DEPTOR: variants seen among roughly 807,000 people sequenced by gnomAD.
The protein encoded by DEPTOR is DEP domain-containing mTOR-interacting protein.
In DEPTOR, 41 loss-of-function variants were observed where a neutral mutation model predicts 41.6. The ratio of observed to expected loss-of-function variants is 0.98; its 90% CI spans 0.77 to 1.28. The LOEUF is 1.28. DEPTOR is among the 50% of genes most tolerant of loss of function. The pLI, the probability that DEPTOR is intolerant of heterozygous loss-of-function variation, is 0.00. For missense variants in DEPTOR, 514 were observed against 527.9 expected, an observed-to-expected ratio of 0.97 and a Z score of 0.26; for synonymous variants, 195 against 192.3, an observed-to-expected ratio of 1.01 and a Z score of -0.12.
intron 8 of DEPTOR, among the ~76,000 whole-genome samples, chr8:120,030,007 G>A (rs1324018153): frequency 6.6e-6 from 1 of 152,182 alleles, no homozygotes; most frequent in East Asian, 1.9e-4. Flanking sequence ...CTGTGCTCTG[G>A]GTGGAGTGAC....
chr8:119,910,224 T>C (rs999294562), intron 1 of DEPTOR, among the ~76,000 whole-genome samples: 2 of 152,208 alleles, frequency 1.3e-5, no homozygotes, highest in African/African-American at 4.8e-5. Context: ...TCAGAGCACC[T>C]ATGTTAAGAA....
At chr8:119,992,150 C>T (rs540643383) in intron 4 of DEPTOR, among the ~76,000 whole-genome samples, 1 of 152,266 alleles carries the variant, frequency 6.6e-6, no homozygotes, top group South Asian at 2.1e-4. Flanking sequence ...TCAGTAGTAG[C>T]TAAGAAAATA....
At chr8:119,879,048 T>G (rs1563954830) in intron 1 of DEPTOR, among the ~76,000 whole-genome samples, 1 of 151,512 alleles carries the variant, frequency 6.6e-6, no homozygotes, top group Non-Finnish European at 1.5e-5. Flanking sequence ...AGGCAGAGGT[T>G]GTAGTGAGCC....
In DEPTOR at chr8:119,965,345, C is replaced by A. The variant is rs77469250; in HGVS notation, c.539C>A (p.Ala180Asp). ...GACTGGCTGGTTCAGGAAGGTGAGG[C>A]CACCACGAGGAAAGAGGCAGAGCAG... is the stretch of plus-strand genomic sequence containing the variant. Reference protein sequence around the residue: ...FLDWLVQEGEATTRKEAEQLC... With the variant: ...FLDWLVQEGEDTTRKEAEQLC... Residue 180 changes from alanine to aspartate, a missense_variant, in exon 4 of 9, where the codon GCC (alanine) becomes GAC (aspartate). Coordinates refer to ENST00000286234, the MANE Select transcript of DEPTOR (RefSeq NM_022783.4). 1.2e-6 allele frequency: 2 copies of A among 1,614,092 alleles called. No homozygotes were observed. The highest frequency in any genetic ancestry group is 3.3e-5 in the Admixed American group (2 of 60,014).
intron 3 of DEPTOR, among the ~76,000 whole-genome samples, chr8:119,962,970 C>T (rs544341446): frequency 1.3e-5 from 2 of 152,068 alleles, no homozygotes; most frequent in Non-Finnish European, 2.9e-5. Context: ...GGCACAGGAC[C>T]GGGTTTGGAA....
chr8:119,948,033 T>G (rs898611715), intron 3 of DEPTOR, among the ~76,000 whole-genome samples: 4 of 152,126 alleles, frequency 2.6e-5, no homozygotes, highest in Non-Finnish European at 5.9e-5. Context: ...CAACTTCCAT[T>G]TCTTCTTAAC....
intron 4 of DEPTOR, among the ~76,000 whole-genome samples, chr8:119,995,316 G>A (rs1812242050): frequency 6.6e-6 from 1 of 152,170 alleles, no homozygotes; most frequent in South Asian, 2.1e-4. Context: ...GCCGGGCACG[G>A]TGGCTCATGC....
chr8:119,887,776 A>T (rs1192763093), intron 1 of DEPTOR, among the ~76,000 whole-genome samples: 1 of 151,386 alleles, frequency 6.6e-6, no homozygotes, highest in Non-Finnish European at 1.5e-5. Context: ...AAGTGCTAGG[A>T]TTACAGGTGT....
chr8:119,938,913 CTCTT>C (rs201704403), intron 3 of DEPTOR, among the ~76,000 whole-genome samples: 2,023 of 140,256 alleles, frequency 0.014, 29 homozygotes, highest in Non-Finnish European at 0.021. Flanking sequence ...CTCTTTCTTT[CTCTT>C]TCTTTCTTTT....
intron 1 of DEPTOR, among the ~76,000 whole-genome samples, chr8:119,894,315 G>A (rs898611452): frequency 5.9e-5 from 9 of 152,066 alleles, no homozygotes; most frequent in Non-Finnish European, 8.8e-5. Context: ...AGCCTCCCAC[G>A]TCGGCCTCCC....
chr8:120,043,925 T>C (rs1033530416), intron 8 of DEPTOR, among the ~76,000 whole-genome samples: 7 of 151,800 alleles, frequency 4.6e-5, no homozygotes, highest in South Asian at 2.1e-4. Context: ...GGCATGAGAA[T>C]TGTTTGAACC....
intron 4 of DEPTOR, among the ~76,000 whole-genome samples, chr8:119,973,395 G>A (rs1465399682): frequency 3.3e-5 from 5 of 152,122 alleles, no homozygotes; most frequent in African/African-American, 7.2e-5. Context: ...CACCACACCC[G>A]GCTAATTTTT....
Position 120,002,791 on chromosome 8 carries a change from A to AAAATATATATATATATATAT in DEPTOR, c.791-185_791-184insAATATATATATATATATATA. 2.3e-4 allele frequency among the ~76,000 whole-genome samples: 14 copies of AAAATATATATATATATATAT among 60,666 alleles called. 1 individual carries two copies. The highest frequency in any genetic ancestry group is 5.1e-4 in the Admixed American group (2 of 3,902). 39.8% of individuals were successfully genotyped at this position (60,666 alleles called of 152,430 possible). A position where few individuals can be genotyped will look rare whatever the true frequency, so the allele number is the denominator to read the frequency against. On this transcript the variant is annotated intron_variant, in intron 5 of 8. Transcript: ENST00000286234. Reference sequence around the variant, plus strand: ...GACTCCATCTCAAAAAAAAAAAAAAAATATATATATATATATATATAATAT... The same window carrying AAAATATATATATATATATAT: ...GACTCCATCTCAAAAAAAAAAAAAAAAAATATATATATATATATATATATATATATATATATATATAATAT...
At chr8:119,962,734 T>G (rs922038214) in intron 3 of DEPTOR, among the ~76,000 whole-genome samples, 1 of 152,206 alleles carries the variant, frequency 6.6e-6, no homozygotes, top group African/African-American at 2.4e-5. Flanking sequence ...TAAGAGTGGA[T>G]GCATAGTATA....
chr8:119,898,863 T>G (rs1268063767), intron 1 of DEPTOR, among the ~76,000 whole-genome samples: 1 of 152,176 alleles, frequency 6.6e-6, no homozygotes, highest in Non-Finnish European at 1.5e-5. Context: ...TATTTTCCCC[T>G]CAGCATAGAT....
chr8:119,922,937 T>C (rs929667775), intron 1 of DEPTOR, among the ~76,000 whole-genome samples: 2 of 152,160 alleles, frequency 1.3e-5, no homozygotes, highest in Non-Finnish European at 2.9e-5. Flanking sequence ...AGTGCTTCTC[T>C]CCAGGAAGTA....
chr8:119,947,680 T>C (rs376973535), intron 3 of DEPTOR, among the ~76,000 whole-genome samples: 2 of 152,194 alleles, frequency 1.3e-5, no homozygotes, highest in South Asian at 4.1e-4. Flanking sequence ...GGGCGGCGTA[T>C]CCAGTATGTG....
In DEPTOR at chr8:119,887,808, T is replaced by G. The variant is rs1197446145; in HGVS notation, c.122+13840T>G. On this transcript the variant is annotated intron_variant, in intron 1 of 8. Coordinates refer to ENST00000286234, the MANE Select transcript of DEPTOR (RefSeq NM_022783.4). The stretch of plus-strand genomic sequence containing the variant: ...GTGTGAGCCACTGCAGCTGTTTTTG[T>G]TTTCTCTTTCTTTCTTTGTTTTGTT... Among the ~76,000 whole-genome samples, 6 of 150,642 alleles carry G rather than the reference T, an allele frequency of 4.0e-5. No homozygotes were observed. In the South Asian group the frequency reaches 1.3e-3, roughly 32 times the overall value.
intron 6 of DEPTOR, among the ~76,000 whole-genome samples, chr8:120,003,404 C>T (rs1292139027): frequency 6.6e-6 from 1 of 152,144 alleles, no homozygotes; most frequent in East Asian, 1.9e-4. Flanking sequence ...TTTAGATCCA[C>T]ATGTTGGCCA....
Sources: allele counts gnomAD v4.1 joint callset (sites outside exome capture counted in the v4.1 genomes callset), GRCh38; gene constraint gnomAD v4.1.1; transcripts MANE v1.5; gene names NCBI Gene and HGNC (gene_info 2026-07-23, HGNC 2026-07-21).